Variants in ANK2 observed in about 807,000 individuals in gnomAD.
ANK2 encodes the protein ankyrin-2.
A neutral mutation model predicts 360.5 loss-of-function variants in ANK2; 83 were observed. The observed-to-expected ratio is 0.23, with a 90% CI of 0.19 to 0.28. The LOEUF is 0.28. Ranked by LOEUF, ANK2 falls within the 10% of genes least tolerant of loss-of-function variation. The pLI is 1.00. For missense variants in ANK2, 4,201 were observed against 4,795.7 expected (o/e 0.88, Z 3.66); for synonymous variants, 1,740 against 1,759.5 (o/e 0.99, Z 0.28).
intron 1 of ANK2, among the ~76,000 whole-genome samples, chr4:113,136,630 C>T (rs187368250): frequency 8.5e-5 from 13 of 152,140 alleles, no homozygotes; most frequent in African/African-American, 3.1e-4. Context: ...TTGCAATGAG[C>T]GCCACTGCAC....
chr4:113,242,761 C>G (rs981852067), intron 9 of ANK2, among the ~76,000 whole-genome samples: 1 of 152,090 alleles, frequency 6.6e-6, no homozygotes, highest in Admixed American at 6.5e-5. Context: ...TCATTTGTTT[C>G]AAACTTAAGT....
chr4:113,012,059 T>C (rs1425116532), intron 2 of ANK2, among the ~76,000 whole-genome samples: 1 of 152,156 alleles, frequency 6.6e-6, no homozygotes, highest in African/African-American at 2.4e-5. Flanking sequence ...TCTTTGGTCC[T>C]GGTTGTTTTT....
rs2062902407 is a variant in ANK2, at chr4:113,282,806, G to A, written c.2013G>A (p.Gln671=). 1 of 1,613,930 alleles carries A rather than the reference G, an allele frequency of 6.2e-7. No homozygotes were observed. Among genetic ancestry groups the A allele is most frequent in the Non-Finnish European group, 8.5e-7 (1 of 1,179,964 alleles). Residue 671 remains glutamine (Q), a synonymous_variant, in exon 18 of 46, where the codon CAG becomes CAA. Coordinates refer to ENST00000357077, the MANE Select transcript of ANK2 (RefSeq NM_001148.6). ...TAACTCCACTCCATCTGGCCTCGCA[G>A]GAGGGGCACACAGATATGGTTACCT... ...QGVTPLHLAS[Q]EGHTDMVTLL... is the part of the protein sequence containing the mutation.
At chr4:112,898,866 T>A (rs899771730) in intron 1 of ANK2, among the ~76,000 whole-genome samples, 1 of 152,184 alleles carries the variant, frequency 6.6e-6, no homozygotes, top group Non-Finnish European at 1.5e-5. Context: ...GAGGATGGTA[T>A]TTTTCTCTGG....
At chr4:112,870,744 T>C (rs1487107557) in intron 1 of ANK2, among the ~76,000 whole-genome samples, 2 of 152,238 alleles carry the variant, frequency 1.3e-5, no homozygotes, top group Admixed American at 1.3e-4. Context: ...TTCTTTGTTC[T>C]TCTTTTTCAA....
In ANK2 at chr4:113,333,098, A is replaced by G. The variant is rs2092835478; in HGVS notation, c.3269A>G (p.Lys1090Arg). The G allele has an allele frequency of 1.2e-6, 2 of 1,614,228 alleles. No homozygotes were observed. Among genetic ancestry groups the G allele is most frequent in the African/African-American group, 1.3e-5 (1 of 75,058 alleles). The change falls in exon 29 of 46, where the codon AAG (lysine) becomes AGG (arginine). Residue 1090 changes from lysine (K) to arginine (R), a missense_variant. Lys to Arg is a conservative substitution (Grantham distance 26). This residue lies in a region of ANK2 where 1,268 missense variants were observed against 1,650.8 expected (regional missense o/e 0.77). Coordinates refer to ENST00000357077, the MANE Select transcript of ANK2 (RefSeq NM_001148.6). The part of the protein sequence containing the change: ...EIPHFAALRG[K>R]ERELVVLRSE... Reference sequence around the variant, plus strand: ...CCTCACTTTGCGGCCCTTCGAGGAAAGGAAAGGGAACTGGTGGTCCTGCGC... The same window carrying G: ...CCTCACTTTGCGGCCCTTCGAGGAAGGGAAAGGGAACTGGTGGTCCTGCGC...
chr4:113,103,172 A>T (rs902672673), intron 1 of ANK2, among the ~76,000 whole-genome samples: 1 of 152,202 alleles, frequency 6.6e-6, no homozygotes, highest in Non-Finnish European at 1.5e-5. Flanking sequence ...CTATAAATAG[A>T]GCTTTCTTTG....
At chr4:112,807,365 G>A in the ANK2 span, among the ~76,000 whole-genome samples, 16 of 152,270 alleles carry the variant, frequency 1.1e-4, no homozygotes, top group South Asian at 2.1e-4. Flanking sequence ...TGCAGATACC[G>A]TCACAGAAGT....
At chr4:113,055,543 C>T (rs2069258255) in intron 1 of ANK2, among the ~76,000 whole-genome samples, 1 of 152,194 alleles carries the variant, frequency 6.6e-6, no homozygotes, top group African/African-American at 2.4e-5. Flanking sequence ...TTGGCTCTTA[C>T]AGTAACATTT....
chr4:112,711,515 T>C, the ANK2 span, among the ~76,000 whole-genome samples: 1 of 151,984 alleles, frequency 6.6e-6, no homozygotes, highest in East Asian at 1.9e-4. Flanking sequence ...AGTGAGACCC[T>C]GTCCAAGAAA....
At chr4:113,212,135 T>G (rs72898042) in intron 4 of ANK2, among the ~76,000 whole-genome samples, 2,884 of 152,324 alleles carry the variant, frequency 0.019, 89 homozygotes, top group African/African-American at 0.064. Flanking sequence ...TTTAGGTAAC[T>G]GCCTATGTAC....
chr4:113,281,579 G>T (rs1378968527), intron 17 of ANK2, among the ~76,000 whole-genome samples: 2 of 151,996 alleles, frequency 1.3e-5, no homozygotes, highest in African/African-American at 4.8e-5. Flanking sequence ...AATCTCACAA[G>T]AAGCACTTGG....
At chr4:112,726,984 A>G in the ANK2 span, among the ~76,000 whole-genome samples, 1 of 152,126 alleles carries the variant, frequency 6.6e-6, no homozygotes, top group East Asian at 1.9e-4. Context: ...TTCAGTGTTT[A>G]TAAATATGTA....
At chr4:112,731,323 G>A in the ANK2 span, among the ~76,000 whole-genome samples, 2 of 149,452 alleles carry the variant, frequency 1.3e-5, no homozygotes, top group Non-Finnish European at 3.0e-5. Flanking sequence ...AGATAAATAT[G>A]TGAGGTAATG....
At chr4:113,346,658 G>T (rs1339442683) in intron 35 of ANK2, among the ~76,000 whole-genome samples, 1 of 152,092 alleles carries the variant, frequency 6.6e-6, no homozygotes, top group East Asian at 1.9e-4. Context: ...GGGCAGCTTA[G>T]GCAACATAAC....
chr4:112,946,896 G>T lies in ANK2; in HGVS notation c.21+42382G>T, dbSNP rs560189190. ...CTTTCTTTTAAAATGCACTTCCTTA[G>T]GTGATTGTGCTCAGTGGATCAATTA... On this transcript the variant is annotated intron_variant, in intron 2 of 30. Coordinates refer to the ANK2 transcript ENST00000503271. 7.7e-4 allele frequency among the ~76,000 whole-genome samples: 117 copies of T among 152,316 alleles called. 1 individual carries two copies. The South Asian group carries it at 9.9e-3, about 13-fold the overall frequency.
At chr4:112,715,908 G>A in the ANK2 span, among the ~76,000 whole-genome samples, 1 of 152,252 alleles carries the variant, frequency 6.6e-6, no homozygotes, top group South Asian at 2.1e-4. Flanking sequence ...GGGCAACAAA[G>A]CGAGACTCCC....
chr4:113,336,082 A>G, intron 30 of ANK2, 25 bp downstream of exon 30: 1 of 1,603,700 alleles, frequency 6.2e-7, no homozygotes, highest in Non-Finnish European at 8.5e-7. Context: ...GATGCAAATG[A>G]TCCTAACAGG....
At chr4:113,047,668 G>A (rs1263954877), upstream of ANK2, among the ~76,000 whole-genome samples, 1 of 74,096 alleles carries the variant, frequency 1.3e-5, no homozygotes, top group Non-Finnish European at 2.7e-5. Flanking sequence ...AAGCTCTTTG[G>A]GGTTTTGTTT....
Sources: gnomAD v4.1 joint callset for allele counts (sites outside exome capture counted in the v4.1 genomes callset) on GRCh38, gnomAD v4.1.1 for gene constraint, gnomAD v4.1.1 regional missense constraint, MANE v1.5 for transcripts, NCBI Gene and HGNC (gene_info 2026-07-23, HGNC 2026-07-21) for gene names.